Variants in SETBP1 observed in about 807,000 individuals in gnomAD.
The protein encoded by SETBP1 is SET-binding protein.
Under a neutral mutation model 101.0 loss-of-function variants are expected in SETBP1, and 9 were observed. The observed-to-expected ratio is 0.09, with a 90% CI of 0.05 to 0.16. The LOEUF is 0.16. Among genes scored for constraint, SETBP1 ranks in the 10% least tolerant of loss-of-function variants. The pLI is 1.00. For missense variants in SETBP1, 1,858 were observed against 2,033.8 expected (o/e 0.91, Z 1.66); for synonymous variants, 818 against 788.5 (o/e 1.04, Z -0.63).
At position 44,782,351 on chromosome 18, in the gene SETBP1, G is replaced by A. The variant is rs142603516; in HGVS notation, c.486+80519G>A. Reference sequence around the variant, plus strand: ...CAAAAAGAAATGTATTTTTTGCTACGTAGCCAACATGACTGGTTTTGGGGA... The same window carrying A: ...CAAAAAGAAATGTATTTTTTGCTACATAGCCAACATGACTGGTTTTGGGGA... On this transcript the variant is annotated intron_variant, in intron 2 of 5. Coordinates refer to ENST00000649279, the MANE Select transcript of SETBP1 (RefSeq NM_015559.3). Among the ~76,000 whole-genome samples, 598 of 150,598 alleles carry A rather than the reference G, an allele frequency of 4.0e-3. 3 individuals are homozygous for A. The highest frequency in any genetic ancestry group is 0.013 in the African/African-American group (542 of 40,922).
At chr18:44,808,488 C>T (rs546371683) in intron 2 of SETBP1, among the ~76,000 whole-genome samples, 24 of 152,156 alleles carry the variant, frequency 1.6e-4, no homozygotes, top group South Asian at 4.2e-4. Context: ...CAGGGGGAGA[C>T]CTGAGGTGGG....
intron 4 of SETBP1, among the ~76,000 whole-genome samples, chr18:44,997,294 T>C (rs2072518268): frequency 6.6e-6 from 1 of 152,142 alleles, no homozygotes; most frequent in African/African-American, 2.4e-5. Flanking sequence ...AAACCTGCCA[T>C]CTCGGGACTG....
intron 2 of SETBP1, among the ~76,000 whole-genome samples, chr18:44,719,030 G>A (rs1274975103): frequency 6.6e-6 from 1 of 152,134 alleles, no homozygotes; most frequent in Non-Finnish European, 1.5e-5. Context: ...GTGTCTATGT[G>A]AAGACACATG....
chr18:44,826,427 CA>C, intron 2 of SETBP1, among the ~76,000 whole-genome samples: 1 of 152,202 alleles, frequency 6.6e-6, no homozygotes, highest in East Asian at 1.9e-4. Context: ...TTTTCTCTCT[CA>C]AAAGACCCCA....
chr18:44,919,675 C>T (rs1599321927), intron 3 of SETBP1, among the ~76,000 whole-genome samples: 6 of 151,828 alleles, frequency 4.0e-5, no homozygotes, highest in Admixed American at 3.9e-4. Flanking sequence ...AGCTTGTCCC[C>T]ATATCCTCTC....
chr18:44,680,588 C>T (rs1486650623), upstream of SETBP1, among the ~76,000 whole-genome samples: 10 of 152,200 alleles, frequency 6.6e-5, no homozygotes, highest in African/African-American at 2.2e-4. Flanking sequence ...GATGCCGGTC[C>T]GGGCGAGGTT....
chr18:44,925,245 A>G (rs934001725), intron 3 of SETBP1, among the ~76,000 whole-genome samples: 1 of 151,894 alleles, frequency 6.6e-6, no homozygotes, highest in African/African-American at 2.4e-5. Context: ...ATTCACACAT[A>G]ATAAAATACT....
intron 4 of SETBP1, among the ~76,000 whole-genome samples, chr18:44,990,322 A>G (rs2072339050): frequency 6.6e-6 from 1 of 152,216 alleles, no homozygotes; most frequent in South Asian, 2.1e-4. Flanking sequence ...GGCCAGGGGC[A>G]GGAGCTCATG....
intron 4 of SETBP1, among the ~76,000 whole-genome samples, chr18:44,991,055 A>G (rs879225152): frequency 2.6e-5 from 4 of 151,858 alleles, no homozygotes; most frequent in Non-Finnish European, 5.9e-5. Context: ...ATTTGAAACC[A>G]ACATAGTGAA....
chr18:44,708,673 T>C (rs2069271855), intron 2 of SETBP1, among the ~76,000 whole-genome samples: 1 of 152,132 alleles, frequency 6.6e-6, no homozygotes, highest in Non-Finnish European at 1.5e-5. Flanking sequence ...TCTGCCTCTG[T>C]GACTCACAAT....
chr18:44,768,774 C>T (rs1599099887), intron 2 of SETBP1, among the ~76,000 whole-genome samples: 1 of 152,186 alleles, frequency 6.6e-6, no homozygotes, highest in Admixed American at 6.5e-5. Context: ...TCACTAAAGA[C>T]TTTGTTATTT....
chr18:44,748,990 C>G (rs940068248), intron 2 of SETBP1, among the ~76,000 whole-genome samples: 1 of 152,120 alleles, frequency 6.6e-6, no homozygotes, highest in Non-Finnish European at 1.5e-5. Flanking sequence ...ATCTCCATGA[C>G]CACAGAGGCT....
At position 44,877,241 on chromosome 18, in the gene SETBP1, G is replaced by A. The variant is rs867705064; in HGVS notation, c.540+7958G>A. 9.0e-5 allele frequency: 59 copies of A among 654,698 alleles called. No individual in the cohort carries two copies. In the African/African-American group the frequency reaches 1.0e-3, roughly 12 times the overall value. 40.6% of individuals were successfully genotyped at this position (654,698 alleles called of 1,614,324 possible). ...AATTTGACATTTTTGTGATATCCAAGCATGTGATTGTTTTCCTACGGATTT... is the reference window on the plus strand; with the variant it reads ...AATTTGACATTTTTGTGATATCCAAACATGTGATTGTTTTCCTACGGATTT... On this transcript the variant is annotated intron_variant, in intron 3 of 5. Transcript: ENST00000649279.
chr18:44,818,325 A>C (rs1392052114), intron 2 of SETBP1, among the ~76,000 whole-genome samples: 1 of 152,234 alleles, frequency 6.6e-6, no homozygotes, highest in Non-Finnish European at 1.5e-5. Context: ...GAAGGACTTC[A>C]GAGTTCGTTG....
chr18:44,904,021 A>T (rs2070113757), intron 3 of SETBP1, among the ~76,000 whole-genome samples: 1 of 152,176 alleles, frequency 6.6e-6, no homozygotes, highest in African/African-American at 2.4e-5. Flanking sequence ...TCTTACATAA[A>T]ATCTTCTAGG....
At chr18:44,824,410 G>A (rs1181714716) in intron 2 of SETBP1, among the ~76,000 whole-genome samples, 2 of 152,088 alleles carry the variant, frequency 1.3e-5, no homozygotes, top group Non-Finnish European at 1.5e-5. Flanking sequence ...GTTATTGAAT[G>A]TGGCATATGT....
At chr18:44,864,078 G>C (rs1016828107) in intron 2 of SETBP1, among the ~76,000 whole-genome samples, 3 of 152,140 alleles carry the variant, frequency 2.0e-5, no homozygotes, top group African/African-American at 7.2e-5. Context: ...CAGCAGAGGG[G>C]ACATGACGTT....
At chr18:44,940,103 C>T (rs1055640636) in intron 3 of SETBP1, among the ~76,000 whole-genome samples, 2 of 152,156 alleles carry the variant, frequency 1.3e-5, no homozygotes, top group Non-Finnish European at 2.9e-5. Flanking sequence ...GGTAAATTGA[C>T]TCTATATCAT....
chr18:44,798,922 C>G (rs1045929751), intron 2 of SETBP1, among the ~76,000 whole-genome samples: 3 of 152,174 alleles, frequency 2.0e-5, no homozygotes, highest in Admixed American at 6.5e-5. Flanking sequence ...GTCAACTCAT[C>G]CACATTTCAT....
Sources: gnomAD v4.1 joint callset for allele counts (sites outside exome capture counted in the v4.1 genomes callset) on GRCh38, gnomAD v4.1.1 for gene constraint, MANE v1.5 for transcripts, NCBI Gene and HGNC (gene_info 2026-07-23, HGNC 2026-07-21) for gene names.